The following CDC42BPA variants were observed in gnomAD, a reference collection of about 807,000 sequenced individuals.
CDC42BPA encodes serine/threonine-protein kinase MRCK alpha.
A neutral mutation model predicts 223.5 loss-of-function variants in CDC42BPA; 80 were observed. The ratio of observed to expected loss-of-function variants is 0.36; its 90% CI spans 0.30 to 0.43. CDC42BPA has a LOEUF of 0.43. Ranked by LOEUF, CDC42BPA falls within the 20% of genes least tolerant of loss-of-function variation. CDC42BPA has a pLI of 1.00. For missense variants in CDC42BPA, 1,743 were observed against 2,099.9 expected, an observed-to-expected ratio of 0.83 and a Z score of 3.32; for synonymous variants, 694 against 718.6, an observed-to-expected ratio of 0.97 and a Z score of 0.55.
chr1:226,996,445 A>T (rs1323312722), intron 35 of CDC42BPA, among the ~76,000 whole-genome samples: 1 of 152,184 alleles, frequency 6.6e-6, no homozygotes, highest in Non-Finnish European at 1.5e-5. Context: ...TTCCTATCTG[A>T]ATACCCTTTA....
At chr1:227,125,596 A>C (rs677596) in intron 11 of CDC42BPA, among the ~76,000 whole-genome samples, 117,181 of 141,740 alleles carry the variant, frequency 0.83, 48,490 homozygotes, top group East Asian at 0.88. Context: ...GACTCTGTCT[A>C]CAAATTAAAA....
At chr1:227,284,095 T>C (rs1348393289) in intron 1 of CDC42BPA, among the ~76,000 whole-genome samples, 1 of 152,218 alleles carries the variant, frequency 6.6e-6, no homozygotes, top group Non-Finnish European at 1.5e-5. Flanking sequence ...CTTTACTAGA[T>C]TGTTTTAAAT....
At chr1:227,067,423 G>A (rs567985191) in intron 21 of CDC42BPA, among the ~76,000 whole-genome samples, 116 of 151,974 alleles carry the variant, frequency 7.6e-4, no homozygotes, top group African/African-American at 2.7e-3. Flanking sequence ...GAAATAAAAA[G>A]GTTTTCTAGT....
At chr1:227,156,309 T>C (rs900984122) in intron 6 of CDC42BPA, among the ~76,000 whole-genome samples, 43 of 151,882 alleles carry the variant, frequency 2.8e-4, no homozygotes, top group African/African-American at 1.0e-3. Context: ...CATGCCACCA[T>C]GCCTAACTAA....
intron 5 of CDC42BPA, among the ~76,000 whole-genome samples, chr1:227,185,152 AT>A (rs35695051): frequency 0.21 from 31,597 of 150,790 alleles, 3,411 homozygotes; most frequent in Middle Eastern, 0.26. Context: ...TTTACAAGAA[AT>A]TTTTTTTTTT....
chr1:227,256,473 CT>C (rs1474513636), intron 1 of CDC42BPA, among the ~76,000 whole-genome samples: 2 of 151,970 alleles, frequency 1.3e-5, no homozygotes, highest in Non-Finnish European at 2.9e-5. Context: ...TATCCCAGAA[CT>C]TAAAAGTAAA....
At chr1:227,104,824 A>G (rs10916089) in intron 14 of CDC42BPA, among the ~76,000 whole-genome samples, 30,392 of 152,028 alleles carry the variant, frequency 0.2, 3,133 homozygotes, top group East Asian at 0.26. Context: ...AAAGACTGTC[A>G]GCATGCCACC....
At chr1:227,004,653 A>G (rs939447483) in intron 35 of CDC42BPA, 1 of 304,494 alleles carries the variant, frequency 3.3e-6, no homozygotes, top group Non-Finnish European at 6.5e-6. Flanking sequence ...TGATTTTCCT[A>G]ATTATTCTGC....
intron 2 of CDC42BPA, among the ~76,000 whole-genome samples, chr1:227,231,441 A>G (rs1224950381): frequency 2.6e-5 from 4 of 152,108 alleles, no homozygotes; most frequent in Admixed American, 2.6e-4. Context: ...CACAATAAAC[A>G]TATGTGTGCA....
chr1:227,086,570 G>A (rs1429539484), intron 16 of CDC42BPA, among the ~76,000 whole-genome samples: 6 of 151,890 alleles, frequency 4.0e-5, no homozygotes, highest in African/African-American at 9.7e-5. Context: ...TCCTAATGAC[G>A]ATCATCTTTT....
intron 5 of CDC42BPA, among the ~76,000 whole-genome samples, chr1:227,186,614 G>A (rs1668814597): frequency 6.6e-6 from 1 of 152,126 alleles, no homozygotes; most frequent in Admixed American, 6.5e-5. Flanking sequence ...CTAATCATAG[G>A]ACCACAGAAT....
rs753944371 is a variant in CDC42BPA, at chr1:227,141,399, C to T, written c.1223+1546G>A. On this transcript the variant is annotated intron_variant, in intron 9 of 36. Transcript: ENST00000366766. ...AAATGATCTGATGATGCAGATGACA[C>T]AAGAAGAAAAAAATTCATGACATGA... Among the ~76,000 whole-genome samples, 7 of 152,078 alleles carry T rather than the reference C, an allele frequency of 4.6e-5. No homozygotes were observed. In the South Asian group the frequency reaches 8.3e-4, roughly 18 times the overall value.
intron 17 of CDC42BPA, among the ~76,000 whole-genome samples, chr1:227,080,421 C>A (rs534194072): frequency 6.6e-6 from 1 of 152,162 alleles, no homozygotes; most frequent in African/African-American, 2.4e-5. Flanking sequence ...AAAATGTAAC[C>A]ATTTAAGGTT....
chr1:227,169,359 T>C (rs1452971595), intron 5 of CDC42BPA, among the ~76,000 whole-genome samples: 1 of 152,172 alleles, frequency 6.6e-6, no homozygotes, highest in Admixed American at 6.6e-5. Context: ...AAATGTTAAA[T>C]TTCTGAAACT....
chr1:227,230,450 C>T (rs1677639566), intron 2 of CDC42BPA, among the ~76,000 whole-genome samples: 1 of 152,128 alleles, frequency 6.6e-6, no homozygotes, highest in African/African-American at 2.4e-5. Flanking sequence ...ATATGTTGTA[C>T]TATCTTTGAA....
Position 227,318,153 on chromosome 1 carries a change from C to CGGG in CDC42BPA, c.-974_-972dup, listed in dbSNP as rs149726943. 1.2e-3 allele frequency: 204 copies of CGGG among 166,230 alleles called. 3 individuals are homozygous for CGGG. The highest frequency in any genetic ancestry group is 4.5e-3 in the African/African-American group (179 of 40,068). 10.3% of individuals were successfully genotyped at this position (166,230 alleles called of 1,614,324 possible). On this transcript the variant is annotated 5_prime_UTR_variant, in exon 1 of 37. Coordinates refer to ENST00000366766, the MANE Select transcript of CDC42BPA (RefSeq NM_001394014.1). The stretch of plus-strand genomic sequence containing the variant: ...CGCCGGAGGCTCCCGACGCCCCAGG[C>CGGG]GGGGGGGTGCTTCTCTGAATTCAAA...
intron 35 of CDC42BPA, among the ~76,000 whole-genome samples, chr1:226,995,274 G>A (rs1661392244): frequency 6.6e-6 from 1 of 152,150 alleles, no homozygotes; most frequent in Admixed American, 6.5e-5. Flanking sequence ...AATCCCTCAA[G>A]TCTCCACCTG....
In CDC42BPA at chr1:227,128,263, C is replaced by T. The variant is rs574763475; in HGVS notation, c.1513+846G>A. 3.3e-5 allele frequency among the ~76,000 whole-genome samples: 5 copies of T among 152,266 alleles called. No individual in the cohort carries two copies. The South Asian group carries it at 1.0e-3, about 32-fold the overall frequency. ...TTTGCAGATAACTGTATGGCTAACC[C>T]CCTTGCCTTCTTTAAATTTTTGCTA... On this transcript the variant is annotated intron_variant, in intron 11 of 36. Transcript: ENST00000366766.
At chr1:227,253,577 C>T (rs1682493631) in intron 2 of CDC42BPA, among the ~76,000 whole-genome samples, 1 of 151,654 alleles carries the variant, frequency 6.6e-6, no homozygotes, top group Non-Finnish European at 1.5e-5. Flanking sequence ...GCCTGGGCAA[C>T]AGAGGGAAAC....
Sources: gnomAD v4.1 joint callset for allele counts (sites outside exome capture counted in the v4.1 genomes callset) on GRCh38, gnomAD v4.1.1 for gene constraint, MANE v1.5 for transcripts, NCBI Gene and HGNC (gene_info 2026-07-23, HGNC 2026-07-21) for gene names.